Variants in NINJ2 observed in about 807,000 individuals in gnomAD.
The protein encoded by NINJ2 is ninjurin 2.
NINJ2 carries 12 observed loss-of-function variants against 11.7 expected under a neutral mutation model. That is an observed-to-expected ratio of 1.02 (90% CI 0.66 to 1.66). NINJ2 has a LOEUF of 1.66. Ranked by LOEUF, NINJ2 falls within the 40% of genes most tolerant of loss-of-function variation. The pLI is 0.00. For synonymous variants in NINJ2, 93 were observed against 76.8 expected (o/e 1.21, Z -1.10); for missense variants, 187 against 181.8 (o/e 1.03, Z -0.16).
rs948400041 is a variant in NINJ2 at position 573,547 on chromosome 12, C to G, written c.34-7369G>C. On this transcript the variant is annotated intron_variant, in intron 1 of 3. Transcript: ENST00000305108. ...TGGGACAAGATTGCACCACTGCACT[C>G]CAGCCTGGGCAACAGAGCAAGAGTC... 3.3e-5 allele frequency among the ~76,000 whole-genome samples: 5 copies of G among 152,114 alleles called. No homozygotes were observed. In the South Asian group the frequency reaches 1.0e-3, roughly 32 times the overall value.
chr12:568,473 A>G (rs1431197923), intron 1 of NINJ2, among the ~76,000 whole-genome samples: 1 of 152,212 alleles, frequency 6.6e-6, no homozygotes, highest in Non-Finnish European at 1.5e-5. Flanking sequence ...GCACACACAC[A>G]GACACATTCA....
chr12:584,251 GT>G (rs1947601861), intron 1 of NINJ2, among the ~76,000 whole-genome samples: 1 of 152,210 alleles, frequency 6.6e-6, no homozygotes, highest in Non-Finnish European at 1.5e-5. Context: ...GGAGAGAATC[GT>G]TTCCTGGCCA....
intron 1 of NINJ2, among the ~76,000 whole-genome samples, chr12:649,531 G>GTATATATATATATATATATATATC (rs58255301): frequency 7.8e-6 from 1 of 127,698 alleles, no homozygotes; most frequent in Admixed American, 8.2e-5. Flanking sequence ...GTGTATATGT[G>GTATATATATATATATATATATATC]TATATATATA....
intron 1 of NINJ2, among the ~76,000 whole-genome samples, chr12:612,128 G>T (rs546844950): frequency 2.6e-5 from 4 of 152,292 alleles, no homozygotes; most frequent in African/African-American, 9.6e-5. Flanking sequence ...CATATCCCAG[G>T]AGCAGAGCAA....
rs147370454 is a variant in NINJ2 at position 603,748 on chromosome 12, C to A, written c.34-37570G>T. ...CAATCTTGGCTCAGTGCAACCTCTG[C>A]CTCCCAGGTTCAAGTGATCCTCCTG... On this transcript the variant is annotated intron_variant, in intron 1 of 3. Coordinates refer to ENST00000305108, the MANE Select transcript of NINJ2 (RefSeq NM_016533.6). 4.3e-3 allele frequency among the ~76,000 whole-genome samples: 649 copies of A among 152,066 alleles called. 6 individuals are homozygous for A. The highest frequency in any genetic ancestry group is 0.012 in the African/African-American group (516 of 41,454).
At chr12:635,308 C>A (rs899481991) in intron 1 of NINJ2, among the ~76,000 whole-genome samples, 5 of 151,988 alleles carry the variant, frequency 3.3e-5, no homozygotes, top group African/African-American at 1.2e-4. Flanking sequence ...GCCTCGGCCT[C>A]CCAAAGTGCT....
intron 1 of NINJ2, among the ~76,000 whole-genome samples, chr12:603,385 T>C (rs1020643025): frequency 3.3e-5 from 5 of 152,262 alleles, no homozygotes; most frequent in African/African-American, 1.2e-4. Flanking sequence ...TTCACTTCCT[T>C]GATGGTGCCA....
At chr12:629,418 C>T (rs952937328) in intron 1 of NINJ2, among the ~76,000 whole-genome samples, 6 of 152,094 alleles carry the variant, frequency 3.9e-5, no homozygotes, top group East Asian at 1.9e-4. Flanking sequence ...GGTCCAATGG[C>T]GGGGAGAGTA....
At chr12:638,612 T>G (rs1948381971) in intron 1 of NINJ2, among the ~76,000 whole-genome samples, 2 of 152,236 alleles carry the variant, frequency 1.3e-5, no homozygotes, top group South Asian at 4.1e-4. Context: ...AGACGGGGTT[T>G]CACCGTGTTA....
intron 1 of NINJ2, among the ~76,000 whole-genome samples, chr12:596,219 A>G (rs1158297704): frequency 2.0e-5 from 3 of 152,246 alleles, no homozygotes; most frequent in Non-Finnish European, 4.4e-5. Context: ...ATGTTTACGG[A>G]AGCTTTATAT....
chr12:599,112 T>C (rs570187227), intron 1 of NINJ2, among the ~76,000 whole-genome samples: 98 of 151,600 alleles, frequency 6.5e-4, no homozygotes, highest in Non-Finnish European at 1.1e-3. Flanking sequence ...CCGGGTGAGG[T>C]GGATCATGGC....
chr12:596,280 G>T (rs1227088722), intron 1 of NINJ2, among the ~76,000 whole-genome samples: 1 of 152,196 alleles, frequency 6.6e-6, no homozygotes, highest in East Asian at 1.9e-4. Flanking sequence ...CTGTATGAGG[G>T]TATGATGGTG....
At chr12:650,324 T>C (rs1043742172) in intron 1 of NINJ2, among the ~76,000 whole-genome samples, 1 of 151,984 alleles carries the variant, frequency 6.6e-6, no homozygotes, top group Non-Finnish European at 1.5e-5. Flanking sequence ...TCAGGTGATG[T>C]ACCAGGTGAT....
chr12:597,031 C>A (rs1947797651), intron 1 of NINJ2, among the ~76,000 whole-genome samples: 1 of 152,114 alleles, frequency 6.6e-6, no homozygotes, highest in Non-Finnish European at 1.5e-5. Flanking sequence ...AAAGTCACGT[C>A]ATAACTATTA....
At chr12:634,342 C>A (rs745730171) in intron 1 of NINJ2, among the ~76,000 whole-genome samples, 1 of 141,562 alleles carries the variant, frequency 7.1e-6, no homozygotes. Flanking sequence ...TCACTGCAAC[C>A]TCCGCCTCCC....
chr12:632,486 CTG>C (rs1351243584), intron 1 of NINJ2: 2 of 152,264 alleles, frequency 1.3e-5, no homozygotes, highest in African/African-American at 4.8e-5. Flanking sequence ...CACAGGGTGT[CTG>C]TGCATCTCCC....
At chr12:577,563 G>T (rs1947487065) in intron 1 of NINJ2, among the ~76,000 whole-genome samples, 2 of 150,732 alleles carry the variant, frequency 1.3e-5, no homozygotes, top group Admixed American at 1.3e-4. Context: ...AGAAGTTGAG[G>T]CTCAAAGAGG....
chr12:660,128 GA>G (rs34927965), intron 1 of NINJ2, among the ~76,000 whole-genome samples: 32,992 of 148,036 alleles, frequency 0.22, 3,715 homozygotes, highest in South Asian at 0.27. Flanking sequence ...ACTAAAAAAA[GA>G]AAAAAAAAAT....
In NINJ2 at chr12:633,675, C is replaced by T. The variant is rs532639537; in HGVS notation, c.33+29653G>A. ...TACTAAAATACAAAAATTAGCTGAG[C>T]GTGGTGCCACATGCCTGTAGTCCCA... On this transcript the variant is annotated intron_variant, in intron 1 of 3. Coordinates refer to ENST00000305108, the MANE Select transcript of NINJ2 (RefSeq NM_016533.6). The surrounding 1 kb of genome is among the most constrained non-coding windows in gnomAD (Gnocchi z 4.3). Among the ~76,000 whole-genome samples, 3 of 152,254 alleles carry T rather than the reference C, an allele frequency of 2.0e-5. No individual in the cohort carries two copies. The highest frequency in any genetic ancestry group is 2.1e-4 in the South Asian group (1 of 4,820).
Sources: gnomAD v4.1 joint callset for allele counts (sites outside exome capture counted in the v4.1 genomes callset) on GRCh38, gnomAD v4.1.1 for gene constraint, Gnocchi (gnomAD v3.1) non-coding constraint, MANE v1.5 for transcripts, NCBI Gene and HGNC (gene_info 2026-07-23, HGNC 2026-07-21) for gene names.